The following STOX2 variants were observed in gnomAD, a reference collection of about 807,000 sequenced individuals.
STOX2 encodes the protein storkhead box 2, also known as storkhead-box protein 2.
STOX2 carries 28 observed loss-of-function variants against 60.9 expected under a neutral mutation model. The ratio of observed to expected loss-of-function variants is 0.46; its 90% CI spans 0.34 to 0.63. The LOEUF is 0.63. Among genes scored for constraint, STOX2 ranks in the 30% least tolerant of loss-of-function variants. STOX2 has a pLI of 0.01. For missense variants in STOX2, 1,024 were observed against 1,187.7 expected (o/e 0.86, Z 2.03); for synonymous variants, 472 against 463.9 (o/e 1.02, Z -0.22).
At chr4:183,803,798 A>G (rs531619508) in intron 1 of STOX2, among the ~76,000 whole-genome samples, 97 of 152,238 alleles carry the variant, frequency 6.4e-4, no homozygotes, top group African/African-American at 2.2e-3. Context: ...CCCTGTCTCT[A>G]CTAAAAACAC....
chr4:183,993,110 C>G (rs1733181624), intron 1 of STOX2, among the ~76,000 whole-genome samples: 1 of 152,228 alleles, frequency 6.6e-6, no homozygotes, highest in Admixed American at 6.5e-5. Flanking sequence ...CCAGGGCGCT[C>G]TCACCCACCC....
intron 1 of STOX2, among the ~76,000 whole-genome samples, chr4:183,850,891 A>AAAGGATGAGAGAAAGGATGAGG (rs1740104484): frequency 1.5e-5 from 1 of 64,914 alleles, no homozygotes; most frequent in African/African-American, 5.6e-5. Flanking sequence ...AAAGGATGAG[A>AAAGGATGAGAGAAAGGATGAGG]GAAACGATGA....
intron 1 of STOX2, among the ~76,000 whole-genome samples, chr4:183,895,638 TA>T (rs1741323784): frequency 6.6e-6 from 1 of 152,258 alleles, no homozygotes; most frequent in African/African-American, 2.4e-5. Flanking sequence ...GCAGATTCCT[TA>T]ATGACAGAAG....
At chr4:183,900,516 A>G (rs747255856), upstream of STOX2, among the ~76,000 whole-genome samples, 83 of 152,230 alleles carry the variant, frequency 5.5e-4, no homozygotes, top group Non-Finnish European at 1.0e-3. Flanking sequence ...ATTCCAACCC[A>G]CAGGAAAGAT....
chr4:184,002,539 C>A (rs1050848370), intron 2 of STOX2, among the ~76,000 whole-genome samples: 2 of 152,172 alleles, frequency 1.3e-5, no homozygotes, highest in Non-Finnish European at 2.9e-5. Context: ...CAGGTGGGGC[C>A]CAGCAGGGTA....
At chr4:183,892,229 G>A (rs372316923) in intron 1 of STOX2, among the ~76,000 whole-genome samples, 89 of 152,304 alleles carry the variant, frequency 5.8e-4, no homozygotes, top group Admixed American at 1.6e-3. Flanking sequence ...GAGCCACCTC[G>A]GGAAACCCTG....
intron 1 of STOX2, among the ~76,000 whole-genome samples, chr4:183,867,427 G>A (rs1041463175): frequency 2.6e-5 from 4 of 152,126 alleles, no homozygotes; most frequent in African/African-American, 9.7e-5. Flanking sequence ...GGACACAGCA[G>A]ATACGTTTCC....
chr4:183,938,625 T>C (rs1579441765), intron 1 of STOX2, among the ~76,000 whole-genome samples: 1 of 131,044 alleles, frequency 7.6e-6, no homozygotes, highest in Non-Finnish European at 1.5e-5. Context: ...GCGGAGATGG[T>C]GCCACTGCAC....
chr4:183,939,646 G>A (rs2111127201), intron 1 of STOX2, among the ~76,000 whole-genome samples: 1 of 151,746 alleles, frequency 6.6e-6, no homozygotes, highest in Non-Finnish European at 1.5e-5. Context: ...TTTATAATGT[G>A]CTCAAGTGGT....
intron 1 of STOX2, among the ~76,000 whole-genome samples, chr4:183,980,104 G>A (rs1201955108): frequency 2.0e-5 from 3 of 152,068 alleles, no homozygotes; most frequent in African/African-American, 7.2e-5. Flanking sequence ...TATTCATTCA[G>A]AGAGATAAAA....
chr4:183,835,718 G>T (rs1325888867), intron 1 of STOX2, among the ~76,000 whole-genome samples: 1 of 152,182 alleles, frequency 6.6e-6, no homozygotes, highest in Non-Finnish European at 1.5e-5. Flanking sequence ...CTCCAGGGAT[G>T]CAGAGCTAGT....
intron 1 of STOX2, among the ~76,000 whole-genome samples, chr4:183,864,074 A>T (rs1334798927): frequency 1.3e-5 from 2 of 152,096 alleles, no homozygotes; most frequent in Non-Finnish European, 2.9e-5. Context: ...TTTTTTTAAT[A>T]GTCTGTATTG....
upstream of STOX2, among the ~76,000 whole-genome samples, chr4:183,903,781 C>T (rs181732411): frequency 3.7e-4 from 56 of 152,298 alleles, no homozygotes; most frequent in Admixed American, 1.9e-3. Flanking sequence ...TTTACACCAG[C>T]GGCCCCCAAC....
At chr4:183,813,938 G>T (rs1014185396) in intron 1 of STOX2, among the ~76,000 whole-genome samples, 34 of 152,132 alleles carry the variant, frequency 2.2e-4, no homozygotes, top group Admixed American at 9.2e-4. Flanking sequence ...CCATCTAAAT[G>T]TTCATATAGT....
intron 1 of STOX2, among the ~76,000 whole-genome samples, chr4:183,919,692 A>G (rs79173901): frequency 0.11 from 16,368 of 151,742 alleles, 982 homozygotes; most frequent in East Asian, 0.2. Context: ...TGCAACCTCT[A>G]CCTCCTGGGA....
At chr4:183,983,053 C>G in intron 1 of STOX2, among the ~76,000 whole-genome samples, 1 of 152,282 alleles carries the variant, frequency 6.6e-6, no homozygotes, top group South Asian at 2.1e-4. Flanking sequence ...ATAGATCCCT[C>G]CAACCCAGCC....
chr4:183,799,087 C>T (rs1738701464), intron 1 of STOX2, among the ~76,000 whole-genome samples: 1 of 152,226 alleles, frequency 6.6e-6, no homozygotes, highest in African/African-American at 2.4e-5. Context: ...CCGCCTTCCT[C>T]TGAAGGATTA....
At chr4:183,943,728 C>T (rs1397559237) in intron 1 of STOX2, among the ~76,000 whole-genome samples, 2 of 152,066 alleles carry the variant, frequency 1.3e-5, no homozygotes, top group African/African-American at 4.8e-5. Context: ...AATACAAAAA[C>T]TAGCTGGGCG....
Position 183,857,346 on chromosome 4 carries a change from G to C in STOX2, c.364+59291G>C, listed in dbSNP as rs1244951485. On this transcript the variant is annotated intron_variant, in intron 1 of 2. Transcript: ENST00000513034. ...TACTGGTTATCCCATAGGACTGGTT[G>C]CCTCGTAGGACTGGTCATCCCGCAG... Among the ~76,000 whole-genome samples the C allele has an allele frequency of 5.9e-3, 505 of 85,380 alleles. 2 individuals carry two copies. The highest frequency in any genetic ancestry group is 0.017 in the African/African-American group (449 of 25,996). The allele number at this position is 85,380 out of a possible 152,430, so 56.0% of individuals were successfully genotyped here. A position where few individuals can be genotyped will look rare whatever the true frequency, so the allele number is the denominator to read the frequency against.
Sources: allele counts gnomAD v4.1 joint callset (sites outside exome capture counted in the v4.1 genomes callset), GRCh38; gene constraint gnomAD v4.1.1; transcripts MANE v1.5; gene names NCBI Gene and HGNC (gene_info 2026-07-23, HGNC 2026-07-21).